Variants in DMD observed in about 807,000 individuals in gnomAD.
DMD encodes dystrophin.
Under a neutral mutation model 330.1 loss-of-function variants are expected in DMD, and 63 were observed. The observed-to-expected ratio is 0.19, with a 90% CI of 0.16 to 0.24. The LOEUF (loss-of-function observed/expected upper bound fraction) is 0.24. Among genes scored for constraint, DMD ranks in the 10% least tolerant of loss-of-function variants. The pLI is 1.00. For synonymous variants in DMD, 1,223 were observed against 959.8 expected (o/e 1.27, Z -5.07); for missense variants, 3,344 against 2,684.1 (o/e 1.25, Z -5.43).
intron 43 of DMD, among the ~76,000 whole-genome samples, chrX:32,219,147 A>G (rs2097123967): frequency 1.8e-5 from 2 of 112,128 alleles, no homozygotes; most frequent in South Asian, 7.3e-4. Context: ...GTTGCCTTTG[A>G]TGATTTATGG....
chrX:31,688,078 C>T (rs1281307493), intron 52 of DMD, among the ~76,000 whole-genome samples: 1 of 110,201 alleles, frequency 9.1e-6, no homozygotes, highest in Non-Finnish European at 1.9e-5. Flanking sequence ...TTTGAAAATA[C>T]ACAGCCAGAG....
intron 30 of DMD, among the ~76,000 whole-genome samples, chrX:32,407,745 T>C (rs1223579318): frequency 9.1e-6 from 1 of 109,938 alleles, no homozygotes. Context: ...AATGATACAA[T>C]GGATTTAGAA....
chrX:33,287,107 G>C (rs1261500891), intron 1 of DMD, among the ~76,000 whole-genome samples: 3 of 111,645 alleles, frequency 2.7e-5, no homozygotes, highest in Non-Finnish European at 5.6e-5. Flanking sequence ...TTGTGGGTTT[G>C]GTTTGCTATG....
At position 32,880,299 on chromosome X, in the gene DMD, C is replaced by CAAAAAAAAA. The variant is rs756974936; in HGVS notation, c.94-30480_94-30479insTTTTTTTTT. Reference sequence around the variant, plus strand: ...CCAACAGGGCCAAAAAAAAAAAAGCCTTTTTCAGCTTAGTCTTCTTAGCAA... The same window carrying CAAAAAAAAA: ...CCAACAGGGCCAAAAAAAAAAAAGCCAAAAAAAAATTTTTCAGCTTAGTCTTCTTAGCAA... On this transcript the variant is annotated intron_variant, in intron 2 of 78. Coordinates refer to ENST00000357033, the MANE Select transcript of DMD (RefSeq NM_004006.3). Among the ~76,000 whole-genome samples the CAAAAAAAAA allele has an allele frequency of 1.8e-3, 190 of 106,059 alleles. 4 individuals carry two copies. In the East Asian group the frequency reaches 0.039, roughly 22 times the overall value. The allele number at this position is 106,059 out of a possible 115,157, so 92.1% of individuals were successfully genotyped here.
chrX:32,310,187 G>T lies in DMD; in HGVS notation c.6012C>A (p.Ile2004=), dbSNP rs2148595676. ...SYVPSTYLTE[I]THVSQALLEV... ...CTAATAGGGCTTGTGAGACATGAGT[G>T]ATTTCAGTCAAATAAGTAGAAGGCA... Residue 2004 remains isoleucine, a synonymous_variant, in exon 42 of 79, where the codon ATC becomes ATA. Coordinates refer to ENST00000357033, the MANE Select transcript of DMD (RefSeq NM_004006.3). The T allele has an allele frequency of 8.3e-7, 1 of 1,208,251 alleles. No individual in the cohort carries two copies.
intron 23 of DMD, among the ~76,000 whole-genome samples, chrX:32,467,947 T>A (rs2040218089): frequency 9.1e-6 from 1 of 110,317 alleles, no homozygotes; most frequent in African/African-American, 3.3e-5. Context: ...TTATACATAA[T>A]GGGATGAATA....
At chrX:32,607,967 AG>A (rs1369343294) in intron 12 of DMD, among the ~76,000 whole-genome samples, 2 of 109,321 alleles carry the variant, frequency 1.8e-5, no homozygotes, top group Non-Finnish European at 3.9e-5. Flanking sequence ...TCTTCTCATG[AG>A]GAAGTATTAC....
chrX:32,931,029 A>T (rs1395436653), intron 2 of DMD, among the ~76,000 whole-genome samples: 2 of 107,914 alleles, frequency 1.9e-5, no homozygotes, highest in African/African-American at 6.6e-5. Flanking sequence ...ACATATTAAC[A>T]ATTAATACTA....
intron 12 of DMD, among the ~76,000 whole-genome samples, chrX:32,612,865 T>C (rs1348874398): frequency 2.7e-5 from 3 of 110,767 alleles, no homozygotes; most frequent in Non-Finnish European, 5.7e-5. Flanking sequence ...GGGTCAATAA[T>C]AGTAAGGGCT....
intron 55 of DMD, among the ~76,000 whole-genome samples, chrX:31,555,461 G>A (rs746348876): frequency 9.8e-5 from 11 of 112,082 alleles, no homozygotes; most frequent in Non-Finnish European, 2.1e-4. Context: ...AAATATACAA[G>A]AGGCACTAAA....
At chrX:32,708,298 T>C in intron 7 of DMD, among the ~76,000 whole-genome samples, 1 of 109,591 alleles carries the variant, frequency 9.1e-6, no homozygotes. Context: ...TTTTTTTTTT[T>C]GAAAAAAATA....
chrX:32,143,524 T>C (rs1311737936), intron 44 of DMD, among the ~76,000 whole-genome samples: 1 of 109,119 alleles, frequency 9.2e-6, no homozygotes, highest in Non-Finnish European at 1.9e-5. Context: ...CTCGCTGTAG[T>C]TAAAAGTAAA....
At chrX:32,207,908 A>C (rs2097077411) in intron 44 of DMD, among the ~76,000 whole-genome samples, 1 of 112,098 alleles carries the variant, frequency 8.9e-6, no homozygotes, top group South Asian at 3.7e-4. Flanking sequence ...AAATTATAAA[A>C]AAATAGAAAT....
At chrX:32,865,575 TACAAGAC>T (rs1436797620) in intron 2 of DMD, among the ~76,000 whole-genome samples, 2 of 112,127 alleles carry the variant, frequency 1.8e-5, no homozygotes, top group African/African-American at 3.2e-5. Context: ...ACTAGAGAGG[TACAAGAC>T]ACCCCATCCG....
At chrX:31,530,647 C>CTTTTTTTTTTTTTTTTTTTGTTTTTT (rs2073677835) in intron 55 of DMD, among the ~76,000 whole-genome samples, 1 of 49,845 alleles carries the variant, frequency 2.0e-5, no homozygotes, top group African/African-American at 7.8e-5. Flanking sequence ...ACTGGTTTCT[C>CTTTTTTTTTTTTTTTTTTTGTTTTTT]TTTTTTTTTT....
At chrX:32,869,237 C>G (rs368647708) in intron 2 of DMD, among the ~76,000 whole-genome samples, 4 of 110,916 alleles carry the variant, frequency 3.6e-5, no homozygotes, top group African/African-American at 1.3e-4. Context: ...CAATTAAAAC[C>G]CCATCCAAAG....
intron 43 of DMD, among the ~76,000 whole-genome samples, chrX:32,250,788 A>C (rs1430619953): frequency 8.9e-6 from 1 of 111,919 alleles, no homozygotes; most frequent in Non-Finnish European, 1.9e-5. Context: ...GGCTTTCTTC[A>C]TACCTCGATG....
chrX:32,599,772 A>T (rs2149282895), intron 12 of DMD, among the ~76,000 whole-genome samples: 1 of 111,964 alleles, frequency 8.9e-6, no homozygotes, highest in African/African-American at 3.2e-5. Flanking sequence ...TTATGCATTT[A>T]TTTTCATTAT....
intron 67 of DMD, 52 bp downstream of exon 67, chrX:31,203,909 A>T: frequency 8.9e-7 from 1 of 1,118,117 alleles, no homozygotes; most frequent in East Asian, 3.1e-5. Flanking sequence ...TTTTTAATTA[A>T]TTTCTAAAAT....
Sources: allele counts gnomAD v4.1 joint callset (sites outside exome capture counted in the v4.1 genomes callset), GRCh38; gene constraint gnomAD v4.1.1; transcripts MANE v1.5; gene names NCBI Gene and HGNC (gene_info 2026-07-23, HGNC 2026-07-21).